PSMB2: variants seen among roughly 807,000 people sequenced by gnomAD.
The protein encoded by PSMB2 is proteasome 20S subunit beta 2.
A neutral mutation model predicts 25.7 loss-of-function variants in PSMB2; 13 were observed. The ratio of observed to expected loss-of-function variants is 0.51; its 90% CI spans 0.33 to 0.80. The LOEUF (loss-of-function observed/expected upper bound fraction) is 0.80, where lower values mean the gene tolerates loss of function less well. PSMB2 is among the 30% of genes least tolerant of loss of function. The probability of loss-of-function intolerance (pLI) is 0.02; values close to 1 mark genes in which losing one functional copy is unlikely to be tolerated. For synonymous variants in PSMB2, 87 were observed against 96.2 expected, an observed-to-expected ratio of 0.90 and a Z score of 0.56; for missense variants, 202 against 259.0, an observed-to-expected ratio of 0.78 and a Z score of 1.51.
chr1:35,609,411 G>A lies in PSMB2; in HGVS notation c.286-3C>T, dbSNP rs1650267770. 2.0e-6 allele frequency: 3 copies of A among 1,506,620 alleles called. No individual in the cohort carries two copies. Among genetic ancestry groups the A allele is most frequent in the Non-Finnish European group, 2.7e-6 (3 of 1,120,454 alleles). 93.3% of individuals were successfully genotyped at this position (1,506,620 alleles called of 1,614,324 possible). On this transcript the variant is annotated splice_region_variant and splice_polypyrimidine_tract_variant and intron_variant, in intron 3 of 5. Coordinates refer to ENST00000373237, the MANE Select transcript of PSMB2 (RefSeq NM_002794.5). ...AGGAGGTTCACATGATATGGGGTCT[G>A]CAAAGAAAAGATATGGCAAAGTGAT...
chr1:35,628,313 C>CACTG lies in PSMB2; in HGVS notation c.285+2957_285+2960dup, dbSNP rs555147583. Among the ~76,000 whole-genome samples the CACTG allele has an allele frequency of 6.6e-5, 10 of 151,996 alleles. No homozygotes were observed. The East Asian group carries it at 1.7e-3, about 27-fold the overall frequency. On this transcript the variant is annotated intron_variant, in intron 3 of 5. Coordinates refer to ENST00000373237, the MANE Select transcript of PSMB2 (RefSeq NM_002794.5). ...AGATTCACTGCATTTGCATGAAGCACACTGCCATTCTTATCTCAATTCCAA... is the reference window on the plus strand; with the variant it reads ...AGATTCACTGCATTTGCATGAAGCACACTGACTGCCATTCTTATCTCAATTCCAA...
At chr1:35,624,919 G>A (rs1650807041) in intron 3 of PSMB2, among the ~76,000 whole-genome samples, 2 of 152,134 alleles carry the variant, frequency 1.3e-5, no homozygotes, top group South Asian at 4.2e-4. Flanking sequence ...AAATTAGCCA[G>A]GCATGGTGGT....
In PSMB2 at chr1:35,603,290, A is replaced by C. The variant is rs376712534; in HGVS notation, c.583T>G (p.Ser195Ala). The part of the protein sequence containing the change: ...KNGIHDLDNI[S>A]FPKQGS ...TGTTAGGAGCCCTGTTTGGGGAAGG[A>C]AATGTTATCCAGGTCATGGATGCCA... The change falls in exon 6 of 6, where the codon TCC becomes GCC. Residue 195 changes from serine to alanine, a missense_variant. By Grantham distance (99) the Ser-to-Ala change is moderately conservative. Coordinates refer to ENST00000373237, the MANE Select transcript of PSMB2 (RefSeq NM_002794.5). 2.7e-5 allele frequency: 43 copies of C among 1,614,078 alleles called. No homozygotes were observed. Among genetic ancestry groups the C allele is most frequent in the Non-Finnish European group, 3.6e-5 (43 of 1,180,008 alleles).
In PSMB2 at chr1:35,600,913, A is replaced by G. The variant is rs1434061942; in HGVS notation, c.*2354T>C. 9 of 983,910 alleles carry G rather than the reference A, an allele frequency of 9.1e-6. No homozygotes were observed. The highest frequency in any genetic ancestry group is 1.1e-5 in the Non-Finnish European group (9 of 828,800). The allele number at this position is 983,910 out of a possible 1,614,324, so 60.9% of individuals were successfully genotyped here. On this transcript the variant is annotated 3_prime_UTR_variant, in exon 6 of 6. Coordinates refer to ENST00000373237, the MANE Select transcript of PSMB2 (RefSeq NM_002794.5). ...CAAGCCCTGAACTAAATGTTTACCT[A>G]TATTACTTCATGGAATTCTCATATC... is the stretch of plus-strand genomic sequence containing the variant.
rs1649929142 is a variant in PSMB2 at position 35,599,589 on chromosome 1, G to A, written c.*3678C>T. On this transcript the variant is annotated 3_prime_UTR_variant, in exon 6 of 6. Coordinates refer to ENST00000373237, the MANE Select transcript of PSMB2 (RefSeq NM_002794.5). ...GAGGTGTAAAGGAGGGAAAGGAAGT[G>A]GGGAGTTAGGTTCGGAGAGGATTAT... The A allele has an allele frequency of 1.0e-6, 1 of 984,792 alleles. No individual in the cohort carries two copies. The highest frequency in any genetic ancestry group is 1.2e-6 in the Non-Finnish European group (1 of 829,506). The allele number at this position is 984,792 out of a possible 1,614,324, so 61.0% of individuals were successfully genotyped here. A position where few individuals can be genotyped will look rare whatever the true frequency, so the allele number is the denominator to read the frequency against.
rs750564642 is a variant in PSMB2, at chr1:35,641,301, T to C, written c.91+41A>G. ...CCGACAAACTCCTTCTGGCCGCTCC[T>C]ACACCCCAGGCCTGGCCGGGCCTCC... On this transcript the variant is annotated intron_variant, in intron 1 of 5. Transcript: ENST00000373237. 124 of 1,612,796 alleles carry C rather than the reference T, an allele frequency of 7.7e-5. 2 individuals are homozygous for C. In the South Asian group the frequency reaches 1.1e-3, roughly 15 times the overall value.
At chr1:35,628,592 AAAAAATATATATATATATAT>A (rs1400409415) in intron 3 of PSMB2, among the ~76,000 whole-genome samples, 1,233 of 19,042 alleles carry the variant, frequency 0.065, 38 homozygotes, top group Middle Eastern at 0.095. Context: ...AAAAAAAAAA[AAAAAATATATATATATATAT>A]ATATATATAT....
intron 2 of PSMB2, among the ~76,000 whole-genome samples, chr1:35,633,366 CTCTT>C (rs1651155821): frequency 6.6e-6 from 1 of 152,126 alleles, no homozygotes; most frequent in Non-Finnish European, 1.5e-5. Context: ...TATAGATTTT[CTCTT>C]TCTTTCCCTT....
Position 35,600,540 on chromosome 1 carries a change from G to C in PSMB2, c.*2727C>G. 3 of 985,254 alleles carry C rather than the reference G, an allele frequency of 3.0e-6. No individual in the cohort carries two copies. Among genetic ancestry groups the C allele is most frequent in the Non-Finnish European group, 3.6e-6 (3 of 829,768 alleles). 61.0% of individuals were successfully genotyped at this position (985,254 alleles called of 1,614,324 possible). A position where few individuals can be genotyped will look rare whatever the true frequency, so the allele number is the denominator to read the frequency against. On this transcript the variant is annotated 3_prime_UTR_variant, in exon 6 of 6. Coordinates refer to ENST00000373237, the MANE Select transcript of PSMB2 (RefSeq NM_002794.5). ...AAAAATAAATGATGCCTGGGTTTCTGACTTGGGCACTTGGGAAACCAGGTA... is the reference window on the plus strand; with the variant it reads ...AAAAATAAATGATGCCTGGGTTTCTCACTTGGGCACTTGGGAAACCAGGTA...
intron 3 of PSMB2, among the ~76,000 whole-genome samples, chr1:35,618,868 G>A (rs1190239113): frequency 2.0e-5 from 3 of 152,166 alleles, no homozygotes; most frequent in Admixed American, 6.6e-5. Flanking sequence ...TGACTTTCTT[G>A]TTCTTTCCTG....
intron 4 of PSMB2, among the ~76,000 whole-genome samples, chr1:35,607,986 A>G (rs185259334): frequency 1.2e-4 from 18 of 152,366 alleles, no homozygotes; most frequent in Admixed American, 1.1e-3. Context: ...AAGCTAAAAA[A>G]GCTGATCTCA....
chr1:35,631,694 T>C (rs1651102975), intron 2 of PSMB2, among the ~76,000 whole-genome samples: 1 of 152,154 alleles, frequency 6.6e-6, no homozygotes, highest in African/African-American at 2.4e-5. Flanking sequence ...GAAAGGCGTC[T>C]TAGATGCCAA....
chr1:35,608,976 A>G (rs1650252066), intron 4 of PSMB2, among the ~76,000 whole-genome samples: 1 of 152,250 alleles, frequency 6.6e-6, no homozygotes, highest in African/African-American at 2.4e-5. Context: ...ATTCACTGTG[A>G]CATCTATTCC....
intron 4 of PSMB2, 137 bp downstream of exon 4, chr1:35,609,109 A>T: frequency 1.2e-6 from 1 of 830,232 alleles, no homozygotes; most frequent in Non-Finnish European, 1.7e-6. Context: ...TGCAGCTTCC[A>T]GAGGGGAACC....
intron 3 of PSMB2, among the ~76,000 whole-genome samples, chr1:35,615,848 GGAA>G (rs1252039777): frequency 8.5e-5 from 13 of 152,268 alleles, no homozygotes; most frequent in African/African-American, 2.9e-4. Context: ...TCAGTAATTT[GGAA>G]GAAGATGCAG....
At chr1:35,615,516 T>G (rs1216454060) in intron 3 of PSMB2, among the ~76,000 whole-genome samples, 1 of 152,170 alleles carries the variant, frequency 6.6e-6, no homozygotes, top group African/African-American at 2.4e-5. Context: ...ATTCCATAAA[T>G]TTTACAGCTA....
intron 3 of PSMB2, among the ~76,000 whole-genome samples, chr1:35,628,648 T>TA (rs1553125214): frequency 0.05 from 1,698 of 33,916 alleles, 108 homozygotes; most frequent in Non-Finnish European, 0.097. Context: ...TTTTTTTTTT[T>TA]AAAGAAAAGA....
chr1:35,641,196 AT>A, intron 1 of PSMB2, 145 bp downstream of exon 1: 2 of 1,052,644 alleles, frequency 1.9e-6, no homozygotes, highest in Non-Finnish European at 2.7e-6. Flanking sequence ...TCTCGAAAAA[AT>A]AAATAAATAA....
At chr1:35,630,710 G>A (rs954365050) in intron 3 of PSMB2, among the ~76,000 whole-genome samples, 2 of 152,174 alleles carry the variant, frequency 1.3e-5, no homozygotes, top group African/African-American at 2.4e-5. Context: ...AATAAGTAGA[G>A]TACAAAGGAT....
Sources: gnomAD v4.1 joint callset for allele counts (sites outside exome capture counted in the v4.1 genomes callset) on GRCh38, gnomAD v4.1.1 for gene constraint, MANE v1.5 for transcripts, NCBI Gene and HGNC (gene_info 2026-07-23, HGNC 2026-07-21) for gene names.